Variants in CLASP1 observed in about 807,000 individuals in gnomAD.
CLASP1 encodes the protein cytoplasmic linker associated protein 1, also known as CLIP-associating protein 1.
Under a neutral mutation model 192.3 loss-of-function variants are expected in CLASP1, and 38 were observed. The ratio of observed to expected loss-of-function variants is 0.20; its 90% CI spans 0.15 to 0.26. The LOEUF is 0.26. Among genes scored for constraint, CLASP1 ranks in the 10% least tolerant of loss-of-function variants. CLASP1 has a pLI of 1.00. For missense variants in CLASP1, 1,433 were observed against 1,932.5 expected (o/e 0.74, Z 4.85); for synonymous variants, 691 against 712.8 (o/e 0.97, Z 0.49).
intron 2 of CLASP1, among the ~76,000 whole-genome samples, chr2:121,589,802 C>G (rs1027188666): frequency 4.6e-5 from 7 of 151,452 alleles, no homozygotes; most frequent in Admixed American, 2.6e-4. Context: ...TCTCACAACT[C>G]TATTGGGAGA....
intron 1 of CLASP1, among the ~76,000 whole-genome samples, chr2:121,632,910 A>G (rs2070004071): frequency 6.6e-6 from 1 of 151,318 alleles, no homozygotes; most frequent in Admixed American, 6.6e-5. Context: ...AAAAAAAAAA[A>G]GCAAAATGCA....
chr2:121,445,567 T>G lies in CLASP1; in HGVS notation c.1912+1770A>C, dbSNP rs551548697. On this transcript the variant is annotated intron_variant, in intron 19 of 39. Transcript: ENST00000263710. ...CAAAGATGTCATGTGTCAACCTAGG[T>G]AGCAACTGTAACAAATTCTCACTAG... 8 of 802,486 alleles carry G rather than the reference T, an allele frequency of 1.0e-5. No homozygotes were observed. In the South Asian group the frequency reaches 1.1e-4, roughly 11 times the overall value. The allele number at this position is 802,486 out of a possible 1,614,324, so 49.7% of individuals were successfully genotyped here.
chr2:121,478,885 C>T (rs1027706074), intron 8 of CLASP1, among the ~76,000 whole-genome samples: 2 of 19,370 alleles, frequency 1.0e-4, no homozygotes, highest in Admixed American at 5.0e-4. Context: ...ACCACACACA[C>T]ACCACACACA....
At chr2:121,468,538 T>C (rs1212102838) in intron 9 of CLASP1, among the ~76,000 whole-genome samples, 1 of 152,204 alleles carries the variant, frequency 6.6e-6, no homozygotes, top group Non-Finnish European at 1.5e-5. Flanking sequence ...TTTGTGGCAA[T>C]TGTGAATGGG....
Position 121,615,339 on chromosome 2 carries a change from C to CA in CLASP1, c.-285-9160dup, listed in dbSNP as rs200046920. On this transcript the variant is annotated intron_variant, in intron 1 of 39. Transcript: ENST00000263710. ...GCGCGTCAGGAATGAGACTCCATCTCAAAAAAAACAAAAAAAAAATAGTTA... is the reference window on the plus strand; with the variant it reads ...GCGCGTCAGGAATGAGACTCCATCTCAAAAAAAAACAAAAAAAAAATAGTTA... 1.6e-4 allele frequency among the ~76,000 whole-genome samples: 23 copies of CA among 144,970 alleles called. 1 individual carries two copies. The highest frequency in any genetic ancestry group is 6.2e-4 in the Admixed American group (9 of 14,564).
chr2:121,362,335 A>G (rs534960764), intron 37 of CLASP1, among the ~76,000 whole-genome samples: 1 of 152,336 alleles, frequency 6.6e-6, no homozygotes, highest in East Asian at 1.9e-4. Flanking sequence ...GCCACTTGAA[A>G]GCCTGGTGAG....
At chr2:121,422,286 T>C (rs1181693316) in intron 22 of CLASP1, among the ~76,000 whole-genome samples, 1 of 152,242 alleles carries the variant, frequency 6.6e-6, no homozygotes, top group Non-Finnish European at 1.5e-5. Flanking sequence ...GACATTTTCA[T>C]GTCTTGGTCT....
At chr2:121,440,615 T>C (rs777761438) in intron 19 of CLASP1, among the ~76,000 whole-genome samples, 27 of 152,208 alleles carry the variant, frequency 1.8e-4, no homozygotes, top group Non-Finnish European at 2.8e-4. Context: ...TACTTGAGCC[T>C]GGCAAGTCAA....
At chr2:121,620,076 G>C (rs2106094234) in intron 1 of CLASP1, among the ~76,000 whole-genome samples, 1 of 152,044 alleles carries the variant, frequency 6.6e-6, no homozygotes, top group East Asian at 2.0e-4. Flanking sequence ...ATGAAAAGTA[G>C]CCGGGAGTGG....
chr2:121,471,070 G>A (rs1216778050), intron 8 of CLASP1, among the ~76,000 whole-genome samples: 3 of 152,090 alleles, frequency 2.0e-5, no homozygotes, highest in Non-Finnish European at 2.9e-5. Context: ...ACTGCTTGAG[G>A]CCAGGAGTTC....
chr2:121,628,950 T>C (rs1343882100), intron 1 of CLASP1, among the ~76,000 whole-genome samples: 1 of 150,346 alleles, frequency 6.7e-6, no homozygotes, highest in Non-Finnish European at 1.5e-5. Flanking sequence ...CTGGTCATCC[T>C]TTTTTTTTAA....
chr2:121,349,768 T>A (rs1314667793), intron 37 of CLASP1, among the ~76,000 whole-genome samples: 1 of 152,188 alleles, frequency 6.6e-6, no homozygotes, highest in East Asian at 1.9e-4. Flanking sequence ...AGGAGCAGCC[T>A]CTGACCTCTG....
In CLASP1 at chr2:121,565,546, A is replaced by G. The variant is rs571211154; in HGVS notation, c.196-35221T>C. Among the ~76,000 whole-genome samples, 5 of 152,190 alleles carry G rather than the reference A, an allele frequency of 3.3e-5. No homozygotes were observed. In the South Asian group the frequency reaches 8.3e-4, roughly 25 times the overall value. ...CTTCCTCCACATCCACAGCCAACCA[A>G]AGCTCTGCCCTGAAGCCACTTTCCC... On this transcript the variant is annotated intron_variant, in intron 2 of 39. Transcript: ENST00000263710.
In CLASP1 at chr2:121,553,178, T is replaced by C. The variant is rs550857032; in HGVS notation, c.196-22853A>G. ...ACACAAAGAAGGGAACAACAGACAC[T>C]GAGGCCTACTTGAGGGTGGAGGGTG... is the stretch of plus-strand genomic sequence containing the variant. On this transcript the variant is annotated intron_variant, in intron 2 of 39. Transcript: ENST00000263710. 1.9e-3 allele frequency among the ~76,000 whole-genome samples: 292 copies of C among 152,146 alleles called. 2 individuals are homozygous for C. The highest frequency in any genetic ancestry group is 6.0e-3 in the African/African-American group (249 of 41,524).
At chr2:121,526,100 A>G (rs2094567382) in intron 5 of CLASP1, 180 bp from the exon 6 acceptor site, 5 of 609,044 alleles carry the variant, frequency 8.2e-6, no homozygotes, top group Admixed American at 5.6e-5. Context: ...CCCTTTGCAC[A>G]GAGTTCAAAA....
chr2:121,407,970 G>A (rs566788970), intron 24 of CLASP1: 1 of 569,746 alleles, frequency 1.8e-6, no homozygotes, highest in South Asian at 1.6e-5. Context: ...TTTACAGGAA[G>A]ACAGACAGAT....
Position 121,430,196 on chromosome 2 carries a change from A to G in CLASP1, c.1913-19T>C, listed in dbSNP as rs746034932. 25 of 1,532,338 alleles carry G rather than the reference A, an allele frequency of 1.6e-5. No individual in the cohort carries two copies. Among genetic ancestry groups the G allele is most frequent in the Non-Finnish European group, 2.2e-5 (25 of 1,129,432 alleles). 94.9% of individuals were successfully genotyped at this position (1,532,338 alleles called of 1,614,324 possible). On this transcript the variant is annotated intron_variant, in intron 19 of 39. Transcript: ENST00000263710. The stretch of plus-strand genomic sequence containing the variant: ...ATCCGACCTGGAGGACACAGCAAAA[A>G]CAGTGTTTCACAACATTTCCAGTAA...
chr2:121,475,103 A>G (rs1213406901), intron 8 of CLASP1, among the ~76,000 whole-genome samples: 1 of 152,204 alleles, frequency 6.6e-6, no homozygotes, highest in African/African-American at 2.4e-5. Flanking sequence ...ACAACTTAAG[A>G]TTCAATTTTT....
chr2:121,347,285 C>T, intron 38 of CLASP1, 131 bp from the exon 40 acceptor site: 1 of 640,518 alleles, frequency 1.6e-6, no homozygotes, highest in South Asian at 1.9e-5. Context: ...CCAGGATAGA[C>T]CTCAGCCCCG....
Sources: gnomAD v4.1 joint callset for allele counts (sites outside exome capture counted in the v4.1 genomes callset) on GRCh38, gnomAD v4.1.1 for gene constraint, MANE v1.5 for transcripts, NCBI Gene and HGNC (gene_info 2026-07-23, HGNC 2026-07-21) for gene names.